RNF215: variants seen among roughly 807,000 people sequenced by gnomAD.
The protein encoded by RNF215 is ring finger protein 215.
RNF215 carries 41 observed loss-of-function variants against 44.8 expected under a neutral mutation model. The observed-to-expected ratio is 0.92, with a 90% CI of 0.71 to 1.19. The LOEUF (loss-of-function observed/expected upper bound fraction) is 1.19, where lower values mean the gene tolerates loss of function less well. Ranked by LOEUF, RNF215 falls within the 50% of genes most tolerant of loss-of-function variation. The probability of loss-of-function intolerance (pLI) is 0.00; values close to 1 mark genes in which losing one functional copy is unlikely to be tolerated. For synonymous variants in RNF215, 218 were observed against 230.1 expected (o/e 0.95, Z 0.48); for missense variants, 452 against 496.2 (o/e 0.91, Z 0.85).
chr22:30,386,957 AG>A (rs1039229805), intron 1 of RNF215, 71 bp downstream of exon 1: 2 of 1,510,900 alleles, frequency 1.3e-6, no homozygotes, highest in African/African-American at 2.8e-5. Context: ...ACGTCGGTTC[AG>A]GGTGCGGGGT....
Position 30,380,529 on chromosome 22 carries a change from C to T in RNF215, c.745-128G>A, listed in dbSNP as rs554029517. 8.6e-4 allele frequency: 982 copies of T among 1,145,272 alleles called. No individual in the cohort carries two copies. Among genetic ancestry groups the T allele is most frequent in the Non-Finnish European group, 1.1e-3 (919 of 821,044 alleles). 70.9% of individuals were successfully genotyped at this position (1,145,272 alleles called of 1,614,324 possible). On this transcript the variant is annotated intron_variant, in intron 5 of 8. Coordinates refer to ENST00000382363, the MANE Select transcript of RNF215 (RefSeq NM_001017981.2). The surrounding 1 kb of genome is among the most constrained non-coding windows in gnomAD (Gnocchi z 5.3). ...CTGACGGCCTCTGTGTCCCTGCAGT[C>T]CCCAGCTTCCTCTTCTGAAGGCTCC...
rs1380615287 is a variant in RNF215 at position 30,386,634 on chromosome 22, G to A, written c.411C>T (p.Pro137=). Reference sequence around the variant, plus strand: ...CCTGCACCTGCTGGACCAGGGCCTTGGGATAGGCCTGCGGGCCACTGCCCT... The same window carrying A: ...CCTGCACCTGCTGGACCAGGGCCTTAGGATAGGCCTGCGGGCCACTGCCCT... ...ENKGSGPQAY[P]KALVQQMRRA... Residue 137 remains proline (P), a synonymous_variant, in exon 2 of 9, where the codon CCC becomes CCT. Transcript: ENST00000382363. 6.2e-7 allele frequency: 1 copy of A among 1,613,056 alleles called. No homozygotes were observed. Among genetic ancestry groups the A allele is most frequent in the East Asian group, 2.2e-5 (1 of 44,888 alleles).
rs751535241 is a variant in RNF215 at position 30,380,051 on chromosome 22, G to A, written c.1008+11C>T. ...GTGAGCTGATGGCTGGTCTCTACCCGGGGCACTAGCCTGTTTGTTGCAGAA... is the reference window on the plus strand; with the variant it reads ...GTGAGCTGATGGCTGGTCTCTACCCAGGGCACTAGCCTGTTTGTTGCAGAA... On this transcript the variant is annotated intron_variant, in intron 7 of 8. Transcript: ENST00000382363. The surrounding 1 kb of genome is among the most constrained non-coding windows in gnomAD (Gnocchi z 5.3). 21 of 1,613,410 alleles carry A rather than the reference G, an allele frequency of 1.3e-5. No homozygotes were observed. The highest frequency in any genetic ancestry group is 1.6e-4 in the Middle Eastern group (1 of 6,074).
In RNF215 at chr22:30,378,988, G is replaced by A. The variant is rs3898433; in HGVS notation, c.*612C>T. ...CACAAAGCCGCAGCCAAGGATTCCA[G>A]AACAGGACGGTTTCTAAGACCTCTG... is the stretch of plus-strand genomic sequence containing the variant. On this transcript the variant is annotated 3_prime_UTR_variant, in exon 9 of 9. Transcript: ENST00000382363. The A allele has an allele frequency of 3.9e-5, 6 of 152,210 alleles. No homozygotes were observed. The highest frequency in any genetic ancestry group is 1.5e-4 in the African/African-American group (6 of 41,068). 9.4% of individuals were successfully genotyped at this position (152,210 alleles called of 1,614,324 possible).
chr22:30,384,721 G>A, intron 4 of RNF215: 1 of 467,526 alleles, frequency 2.1e-6, no homozygotes, highest in Non-Finnish European at 3.8e-6. Flanking sequence ...AGTCCTCTCT[G>A]CCCACAGAGC....
At chr22:30,379,860 C>CACGTGG (rs772871629) in intron 7 of RNF215, 47 bp from the exon 8 acceptor site, 13 of 1,549,714 alleles carry the variant, frequency 8.4e-6, no homozygotes, top group Non-Finnish European at 9.7e-6. Flanking sequence ...AGCAGGACTC[C>CACGTGG]ACGTGGGGGT....
intron 4 of RNF215, 102 bp downstream of exon 4, chr22:30,385,802 G>T: frequency 1.0e-6 from 1 of 984,422 alleles, no homozygotes. Context: ...AAAAAAAAAG[G>T]CTAACAGGTA....
Position 30,386,749 on chromosome 22 carries a change from A to G in RNF215, c.296T>C (p.Val99Ala), listed in dbSNP as rs1172871835. Residue 99 changes from valine to alanine, a missense_variant, in exon 2 of 9, where the codon GTG (valine) becomes GCG (alanine). Physicochemically the swap from Val to Ala is moderately conservative, Grantham distance 64. Coordinates refer to ENST00000382363, the MANE Select transcript of RNF215 (RefSeq NM_001017981.2). ...CACTGGTGCCTCCTGCTCGGCATCC[A>G]CGATGTCCATCTGTGTGGCAAGGGG... Reference protein sequence around the residue: ...LGGRLLLMDIVDAEQEAPVEG... With the variant: ...LGGRLLLMDIADAEQEAPVEG... The G allele has an allele frequency of 6.2e-7, 1 of 1,605,188 alleles. No individual in the cohort carries two copies. Among genetic ancestry groups the G allele is most frequent in the Non-Finnish European group, 8.5e-7 (1 of 1,179,786 alleles).
In RNF215 at chr22:30,379,731, A is replaced by G. The variant is rs774939200; in HGVS notation, c.1091T>C (p.Leu364Pro). 2.5e-5 allele frequency: 39 copies of G among 1,562,674 alleles called. No homozygotes were observed. Among genetic ancestry groups the G allele is most frequent in the Non-Finnish European group, 3.2e-5 (37 of 1,153,864 alleles). ...PWLMLQQTCP[L>P]CKFNVLGNRY... Reference sequence around the variant, plus strand: ...CTCACCCAGGACGTTGAATTTGCACAGTGGGCAGGTCTGCTGGAGCATCAG... The same window carrying G: ...CTCACCCAGGACGTTGAATTTGCACGGTGGGCAGGTCTGCTGGAGCATCAG... The change falls in exon 8 of 9, where the codon CTG becomes CCG. Residue 364 changes from leucine to proline, a missense_variant. Coordinates refer to ENST00000382363, the MANE Select transcript of RNF215 (RefSeq NM_001017981.2).
chr22:30,381,905 C>T (rs977836025), intron 5 of RNF215, among the ~76,000 whole-genome samples: 4 of 152,160 alleles, frequency 2.6e-5, no homozygotes, highest in Non-Finnish European at 4.4e-5. Flanking sequence ...AGGCTGAGTG[C>T]CTTTATCATG....
At position 30,386,680 on chromosome 22, in the gene RNF215, G is replaced by A. The variant is rs756340670; in HGVS notation, c.365C>T (p.Ala122Val). ...GCCCTTATTCTCCTGGTGGAACTGG[G>A]CCGCCTGCTCCTTGCCCACGTATGC... The part of the protein sequence containing the change: ...AVAYVGKEQA[A>V]QFHQENKGSG... Residue 122 changes from alanine to valine, a missense_variant, in exon 2 of 9, where the codon GCC becomes GTC. Coordinates refer to ENST00000382363, the MANE Select transcript of RNF215 (RefSeq NM_001017981.2). The A allele has an allele frequency of 4.3e-6, 7 of 1,612,708 alleles. No homozygotes were observed. In the South Asian group the frequency reaches 7.7e-5, roughly 18 times the overall value.
chr22:30,384,815 C>CT (rs34475564), intron 4 of RNF215: 1,415 of 172,166 alleles, frequency 8.2e-3, no homozygotes, highest in Middle Eastern at 0.013. Flanking sequence ...GACAGTCTTT[C>CT]TTTTTTTTTT....
Position 30,380,439 on chromosome 22 carries a change from C to T in RNF215, c.745-38G>A. ...GCAGTCATCAGGGACATGGGGCCAC[C>T]CCCACACGCCTCCCTTAGGAACATC... is the stretch of plus-strand genomic sequence containing the variant. On this transcript the variant is annotated intron_variant, in intron 5 of 8. Transcript: ENST00000382363. The surrounding 1 kb of genome is among the most constrained non-coding windows in gnomAD (Gnocchi z 5.3). The T allele has an allele frequency of 6.4e-7, 1 of 1,564,496 alleles. No individual in the cohort carries two copies. Among genetic ancestry groups the T allele is most frequent in the South Asian group, 1.2e-5 (1 of 84,270 alleles).
chr22:30,385,866 C>G, intron 4 of RNF215, 38 bp downstream of exon 4: 1 of 1,593,478 alleles, frequency 6.3e-7, no homozygotes, highest in Non-Finnish European at 8.6e-7. Context: ...GCTCTCTGTA[C>G]CCAGGGTCAG....
rs1428948535 is a variant in RNF215 at position 30,387,288 on chromosome 22, A to G, written c.26T>C (p.Leu9Pro). ...CGGCGGAGGCGGCGGCGGCGATCTC[A>G]GCGCGGGGCGAGCGGCGGGGCCCAT... is the stretch of plus-strand genomic sequence containing the variant. MGPAARPA[L>P]RSPPPPPPPP... Residue 9 changes from leucine (L) to proline (P), a missense_variant, in exon 1 of 9, where the codon CTG (leucine) becomes CCG (proline). By Grantham distance (98) the Leu-to-Pro change is moderately conservative. Transcript: ENST00000382363. 1 of 1,064,884 alleles carries G rather than the reference A, an allele frequency of 9.4e-7. No individual in the cohort carries two copies. Among genetic ancestry groups the G allele is most frequent in the Non-Finnish European group, 1.1e-6 (1 of 883,634 alleles). The allele number at this position is 1,064,884 out of a possible 1,614,324, so 66.0% of individuals were successfully genotyped here. A position where few individuals can be genotyped will look rare whatever the true frequency, so the allele number is the denominator to read the frequency against.
rs986877092 is a variant in RNF215, at chr22:30,380,843, T to C, written c.745-442A>G. 6.6e-6 allele frequency among the ~76,000 whole-genome samples: 1 copy of C among 152,118 alleles called. No homozygotes were observed. Among genetic ancestry groups the C allele is most frequent in the East Asian group, 1.9e-4 (1 of 5,186 alleles). On this transcript the variant is annotated intron_variant, in intron 5 of 8. Transcript: ENST00000382363. This position sits in a 1 kb window ranked among gnomAD's most constrained non-coding sequence, Gnocchi z 5.3. The stretch of plus-strand genomic sequence containing the variant: ...CCATCAGCCACTCACCCATCCAGCC[T>C]GAATGTTCGCACCCCCCTGTACGGG...
chr22:30,387,255 G>T lies in RNF215; in HGVS notation c.59C>A (p.Pro20Gln). The T allele has an allele frequency of 9.7e-7, 1 of 1,028,120 alleles. No homozygotes were observed. The highest frequency in any genetic ancestry group is 4.5e-5 in the South Asian group (1 of 22,456). 63.7% of individuals were successfully genotyped at this position (1,028,120 alleles called of 1,614,324 possible). A position where few individuals can be genotyped will look rare whatever the true frequency, so the allele number is the denominator to read the frequency against. ...GGGCAGCAGCAGCAGCAGCGGAGAC[G>T]GAGGCGGCGGCGGAGGCGGCGGCGG... ...RSPPPPPPPP[P>Q]SPLLLLLPLL... The change falls in exon 1 of 9, where the codon CCG (proline) becomes CAG (glutamine). Residue 20 changes from proline (P) to glutamine (Q), a missense_variant. Physicochemically the swap from Pro to Gln is moderately conservative, Grantham distance 76 (BLOSUM62 -1). Coordinates refer to ENST00000382363, the MANE Select transcript of RNF215 (RefSeq NM_001017981.2).
Position 30,386,659 on chromosome 22 carries a change from T to A in RNF215, c.386A>T (p.Lys129Met). 6.2e-7 allele frequency: 1 copy of A among 1,613,306 alleles called. No homozygotes were observed. The highest frequency in any genetic ancestry group is 8.5e-7 in the Non-Finnish European group (1 of 1,180,000). ...GGGATAGGCCTGCGGGCCACTGCCC[T>A]TATTCTCCTGGTGGAACTGGGCCGC... ...EQAAQFHQEN[K>M]GSGPQAYPKA... The change falls in exon 2 of 9, where the codon AAG (lysine) becomes ATG (methionine). Residue 129 changes from lysine to methionine, a missense_variant. Transcript: ENST00000382363.
chr22:30,379,922 C>A, intron 7 of RNF215, 109 bp from the exon 8 acceptor site: 1 of 1,514,432 alleles, frequency 6.6e-7, no homozygotes, highest in African/African-American at 1.4e-5. Context: ...CTCACGGCTT[C>A]CCCCACCCCC....
Sources: allele counts gnomAD v4.1 joint callset (sites outside exome capture counted in the v4.1 genomes callset), GRCh38; gene constraint gnomAD v4.1.1; non-coding constraint Gnocchi (gnomAD v3.1); transcripts MANE v1.5; gene names NCBI Gene and HGNC (gene_info 2026-07-23, HGNC 2026-07-21).